The following TBC1D22A variants were observed in gnomAD, a reference collection of about 807,000 sequenced individuals.
TBC1D22A encodes the protein TBC1 domain family member 22A.
TBC1D22A carries 38 observed loss-of-function variants against 60.2 expected under a neutral mutation model. That is an observed-to-expected ratio of 0.63 (90% CI 0.49 to 0.83). The LOEUF is 0.83. Ranked by LOEUF, TBC1D22A falls within the 40% of genes least tolerant of loss-of-function variation. The probability of loss-of-function intolerance (pLI) is 0.00; values close to 1 mark genes in which losing one functional copy is unlikely to be tolerated. For synonymous variants in TBC1D22A, 302 were observed against 281.7 expected (o/e 1.07, Z -0.72); for missense variants, 628 against 701.0 (o/e 0.90, Z 1.18).
chr22:46,767,183 C>T (rs2083318128), intron 1 of TBC1D22A, among the ~76,000 whole-genome samples: 1 of 152,030 alleles, frequency 6.6e-6, no homozygotes, highest in Admixed American at 6.6e-5. Context: ...CTGGATGAGC[C>T]AGGATGTGTG....
chr22:47,137,134 C>T (rs116965691), intron 12 of TBC1D22A, among the ~76,000 whole-genome samples: 232 of 152,312 alleles, frequency 1.5e-3, no homozygotes, highest in Non-Finnish European at 2.7e-3. Flanking sequence ...AGCCCTGGAT[C>T]TGTACGGTGT....
intron 8 of TBC1D22A, among the ~76,000 whole-genome samples, chr22:46,948,515 C>A (rs545579296): frequency 6.6e-6 from 1 of 152,278 alleles, no homozygotes; most frequent in South Asian, 2.1e-4. Flanking sequence ...TTTGCTCATC[C>A]CCCCACGGTG....
intron 12 of TBC1D22A, among the ~76,000 whole-genome samples, chr22:47,114,208 G>T (rs1343907837): frequency 6.6e-6 from 1 of 152,030 alleles, no homozygotes; most frequent in East Asian, 1.9e-4. Context: ...TGAGATGAAG[G>T]GAGGACAGGA....
Position 46,894,769 on chromosome 22 carries a change from C to G in TBC1D22A, c.838-15C>G, listed in dbSNP as rs1283854614. Reference sequence around the variant, plus strand: ...TGTGACGTAACATAAATGTCCGTTTCTCCTGCTTCTCCAGATCCACATAGA... The same window carrying G: ...TGTGACGTAACATAAATGTCCGTTTGTCCTGCTTCTCCAGATCCACATAGA... On this transcript the variant is annotated splice_polypyrimidine_tract_variant and intron_variant, in intron 6 of 12. Coordinates refer to ENST00000337137, the MANE Select transcript of TBC1D22A (RefSeq NM_014346.5). 1 of 1,613,968 alleles carries G rather than the reference C, an allele frequency of 6.2e-7. No individual in the cohort carries two copies. Among genetic ancestry groups the G allele is most frequent in the Non-Finnish European group, 8.5e-7 (1 of 1,179,982 alleles).
chr22:46,990,137 A>G lies in TBC1D22A; in HGVS notation c.1126-7497A>G, dbSNP rs1248080660. ...TAAGTTTTATTTAAAATGAACTCTT[A>G]TAGATAGTTTATTCTTGCAACTTGC... On this transcript the variant is annotated intron_variant, in intron 9 of 12. Coordinates refer to ENST00000337137, the MANE Select transcript of TBC1D22A (RefSeq NM_014346.5). The surrounding 1 kb of genome is among the most constrained non-coding windows in gnomAD (Gnocchi z 4.6). 2.0e-5 allele frequency among the ~76,000 whole-genome samples: 3 copies of G among 152,198 alleles called. No individual in the cohort carries two copies. The highest frequency in any genetic ancestry group is 7.2e-5 in the African/African-American group (3 of 41,442).
At chr22:46,912,556 TTATC>T (rs1357772679) in intron 8 of TBC1D22A, among the ~76,000 whole-genome samples, 4 of 142,958 alleles carry the variant, frequency 2.8e-5, no homozygotes, top group Admixed American at 2.1e-4. Flanking sequence ...GTCTATCTGT[TTATC>T]TATCTGTTTA....
intron 11 of TBC1D22A, among the ~76,000 whole-genome samples, chr22:47,110,561 C>G (rs1213312402): frequency 6.6e-6 from 1 of 152,204 alleles, no homozygotes; most frequent in African/African-American, 2.4e-5. Flanking sequence ...GACCGTTGTA[C>G]TGAAGTGGCA....
At chr22:47,122,077 G>A (rs1170528097) in intron 12 of TBC1D22A, among the ~76,000 whole-genome samples, 3 of 152,314 alleles carry the variant, frequency 2.0e-5, no homozygotes, top group African/African-American at 7.2e-5. Context: ...GGCAAGAGGC[G>A]TGCCCTGCTC....
chr22:47,091,880 TCTTAATCAC>T (rs1272264701), intron 11 of TBC1D22A, among the ~76,000 whole-genome samples: 32 of 152,222 alleles, frequency 2.1e-4, no homozygotes, highest in Admixed American at 2.1e-3. Context: ...TTCACCATTC[TCTTAATCAC>T]CTGTTTTGGG....
chr22:47,009,928 T>C lies in TBC1D22A; in HGVS notation c.1201+12219T>C, dbSNP rs967077890. Among the ~76,000 whole-genome samples the C allele has an allele frequency of 6.6e-6, 1 of 152,222 alleles. No homozygotes were observed. The highest frequency in any genetic ancestry group is 1.5e-5 in the Non-Finnish European group (1 of 68,040). On this transcript the variant is annotated intron_variant, in intron 10 of 12. Coordinates refer to ENST00000337137, the MANE Select transcript of TBC1D22A (RefSeq NM_014346.5). The surrounding 1 kb of genome is among the most constrained non-coding windows in gnomAD (Gnocchi z 5.8). ...GGAGGTTGGTTGGAGTGGAAGACAC[T>C]GGCTGAGTCTGAGTCAGGGGCACCG...
intron 8 of TBC1D22A, among the ~76,000 whole-genome samples, chr22:46,965,483 G>A (rs533536574): frequency 5.9e-5 from 9 of 152,344 alleles, no homozygotes; most frequent in South Asian, 2.1e-4. Flanking sequence ...TAAAGCCTTC[G>A]GCGTGCTTTG....
chr22:46,925,896 A>G (rs2071020982), intron 8 of TBC1D22A, among the ~76,000 whole-genome samples: 3 of 152,218 alleles, frequency 2.0e-5, no homozygotes. Flanking sequence ...AGCATTCTCT[A>G]CAATAGACCA....
rs1393946811 is a variant in TBC1D22A at position 47,094,393 on chromosome 22, C to T, written c.1330-17115C>T. On this transcript the variant is annotated intron_variant, in intron 11 of 12. Coordinates refer to ENST00000337137, the MANE Select transcript of TBC1D22A (RefSeq NM_014346.5). Reference sequence around the variant, plus strand: ...ATAATGTGCGTGGGTCTCATCCCATCCGTTGAAGGCCTTCATAGACAGAGA... The same window carrying T: ...ATAATGTGCGTGGGTCTCATCCCATTCGTTGAAGGCCTTCATAGACAGAGA... Among the ~76,000 whole-genome samples the T allele has an allele frequency of 3.3e-5, 5 of 152,282 alleles. No individual in the cohort carries two copies. The East Asian group carries it at 7.8e-4, about 24-fold the overall frequency.
intron 8 of TBC1D22A, among the ~76,000 whole-genome samples, chr22:46,972,802 A>G (rs2074123644): frequency 6.6e-6 from 1 of 152,184 alleles, no homozygotes. Flanking sequence ...TACAAAACCC[A>G]GAACCAAATC....
At chr22:46,904,142 T>TCTGCCTGCCTACCTAC (rs369598619) in intron 7 of TBC1D22A, among the ~76,000 whole-genome samples, 27 of 134,500 alleles carry the variant, frequency 2.0e-4, no homozygotes, top group African/African-American at 7.7e-4. Flanking sequence ...TATCTATCTA[T>TCTGCCTGCCTACCTAC]CTACCTACCT....
At chr22:46,956,318 G>A (rs777227320) in intron 8 of TBC1D22A, among the ~76,000 whole-genome samples, 1 of 152,200 alleles carries the variant, frequency 6.6e-6, no homozygotes, top group Admixed American at 6.5e-5. Flanking sequence ...AGGCACAGTG[G>A]CTCACGCCTG....
At chr22:46,794,884 T>C (rs1354578930) in intron 3 of TBC1D22A, among the ~76,000 whole-genome samples, 1 of 152,090 alleles carries the variant, frequency 6.6e-6, no homozygotes, top group South Asian at 2.1e-4. Flanking sequence ...CCCTCCAAGG[T>C]CTTCTGGGGG....
rs1348330621 is a variant in TBC1D22A, at chr22:47,144,736, C to G, written c.1426-28762C>G. Among the ~76,000 whole-genome samples, 146 of 138,336 alleles carry G rather than the reference C, an allele frequency of 1.1e-3. 1 individual carries two copies. Among genetic ancestry groups the G allele is most frequent in the Non-Finnish European group, 1.6e-3 (99 of 63,236 alleles). 90.8% of individuals were successfully genotyped at this position (138,336 alleles called of 152,430 possible). On this transcript the variant is annotated intron_variant, in intron 12 of 12. Transcript: ENST00000337137. ...GGACTGGGTGCAGCCCGTGAAGGTGCCTGCTGGCTGAGATCCTGGGACTGG... is the reference window on the plus strand; with the variant it reads ...GGACTGGGTGCAGCCCGTGAAGGTGGCTGCTGGCTGAGATCCTGGGACTGG...
intron 8 of TBC1D22A, among the ~76,000 whole-genome samples, chr22:46,957,593 C>G (rs1244102499): frequency 6.6e-6 from 1 of 152,336 alleles, no homozygotes; most frequent in East Asian, 1.9e-4. Flanking sequence ...GGAGATGAGA[C>G]TTGGGTGGGG....
Sources: allele counts gnomAD v4.1 joint callset (sites outside exome capture counted in the v4.1 genomes callset), GRCh38; gene constraint gnomAD v4.1.1; non-coding constraint Gnocchi (gnomAD v3.1); transcripts MANE v1.5; gene names NCBI Gene and HGNC (gene_info 2026-07-23, HGNC 2026-07-21).